The following GABRB1 variants were observed in gnomAD, a reference collection of about 807,000 sequenced individuals.
The protein encoded by GABRB1 is gamma-aminobutyric acid type A receptor subunit beta1.
Under a neutral mutation model 51.6 loss-of-function variants are expected in GABRB1, and 17 were observed. The observed-to-expected ratio is 0.33, with a 90% CI of 0.23 to 0.49. The LOEUF is 0.49. Ranked by LOEUF, GABRB1 falls within the 20% of genes least tolerant of loss-of-function variation. The pLI, the probability that GABRB1 is intolerant of heterozygous loss-of-function variation, is 0.99. For missense variants in GABRB1, 410 were observed against 600.6 expected, an observed-to-expected ratio of 0.68 and a Z score of 3.32; for synonymous variants, 247 against 218.9, an observed-to-expected ratio of 1.13 and a Z score of -1.14.
At chr4:47,291,521 C>G (rs561483773) in intron 4 of GABRB1, among the ~76,000 whole-genome samples, 1 of 152,276 alleles carries the variant, frequency 6.6e-6, no homozygotes, top group African/African-American at 2.4e-5. Flanking sequence ...AAAGTAGATT[C>G]ACCAACAGCT....
At chr4:47,269,592 G>A (rs1351204042) in intron 4 of GABRB1, among the ~76,000 whole-genome samples, 1 of 152,084 alleles carries the variant, frequency 6.6e-6, no homozygotes, top group Non-Finnish European at 1.5e-5. Context: ...ATAGCCAGAT[G>A]CACCTCATTC....
intron 3 of GABRB1, among the ~76,000 whole-genome samples, chr4:47,132,392 TTTTGGTTTGG>T (rs35774226): frequency 0.36 from 42,366 of 118,846 alleles, 7,239 homozygotes; most frequent in Admixed American, 0.53. Context: ...TTTTGGTTTG[TTTTGGTTTGG>T]TTTGGTTTGG....
chr4:47,108,250 T>C (rs1715055784), intron 3 of GABRB1, among the ~76,000 whole-genome samples: 1 of 152,050 alleles, frequency 6.6e-6, no homozygotes, highest in Non-Finnish European at 1.5e-5. Flanking sequence ...TTAGCTTAGA[T>C]CTCAGTAGTC....
At position 47,031,722 on chromosome 4, in the gene GABRB1, G is replaced by T. The variant is rs372535761; in HGVS notation, c.71G>T (p.Cys24Phe). The change falls in exon 1 of 9, where the codon TGT becomes TTT. Residue 24 changes from cysteine to phenylalanine, a missense_variant. By Grantham distance (205) the Cys-to-Phe change is radical (BLOSUM62 -2). Around this residue, in one of 5 missense-constraint regions of GABRB1, gnomAD observed 56 missense variants for 54.8 expected, o/e 1.02. Transcript: ENST00000295454. ...CCTGTGATGATTACCATGGTCTGTT[G>T]TGCACACAGGTGAGCTGCTGTTGTT... ...SFPVMITMVCCAHSTNEPSNM... is the reference protein window; with the variant it reads ...SFPVMITMVCFAHSTNEPSNM... 9.3e-6 allele frequency: 15 copies of T among 1,613,036 alleles called. No individual in the cohort carries two copies. Among genetic ancestry groups the T allele is most frequent in the African/African-American group, 1.3e-5 (1 of 74,826 alleles).
rs1726817474 is a variant in GABRB1, at chr4:47,361,855, T to A, written c.545-41463T>A. On this transcript the variant is annotated intron_variant, in intron 5 of 8. Coordinates refer to ENST00000295454, the MANE Select transcript of GABRB1 (RefSeq NM_000812.4). The stretch of plus-strand genomic sequence containing the variant: ...ATATTGAACTTGAGGTGGCTTTAAG[T>A]CATCAACTGGGGTTGTCAAGTGGGC... Among the ~76,000 whole-genome samples the A allele has an allele frequency of 1.3e-5, 2 of 152,128 alleles. 1 individual carries two copies. Among genetic ancestry groups the A allele is most frequent in the South Asian group, 4.1e-4 (2 of 4,832 alleles).
chr4:47,105,476 G>A (rs1714922492), intron 3 of GABRB1, among the ~76,000 whole-genome samples: 1 of 152,168 alleles, frequency 6.6e-6, no homozygotes, highest in Non-Finnish European at 1.5e-5. Context: ...TCTTGTGGAT[G>A]AGGCTTCCTC....
intron 4 of GABRB1, among the ~76,000 whole-genome samples, chr4:47,260,521 G>A (rs1484819601): frequency 2.6e-5 from 4 of 152,120 alleles, no homozygotes; most frequent in Non-Finnish European, 5.9e-5. Flanking sequence ...GGGCAGGCCT[G>A]GTGGTGACAA....
chr4:47,343,552 C>A (rs572543966), intron 5 of GABRB1, among the ~76,000 whole-genome samples: 1 of 152,172 alleles, frequency 6.6e-6, no homozygotes, highest in East Asian at 1.9e-4. Flanking sequence ...AAATCCCCTG[C>A]AGACTTTCTA....
At chr4:47,075,257 A>G (rs902861442) in intron 3 of GABRB1, among the ~76,000 whole-genome samples, 2 of 152,152 alleles carry the variant, frequency 1.3e-5, no homozygotes, top group African/African-American at 2.4e-5. Flanking sequence ...TGCCATAGGT[A>G]CCAGCTGAAC....
intron 5 of GABRB1, among the ~76,000 whole-genome samples, chr4:47,360,888 A>C (rs1726783717): frequency 6.6e-6 from 1 of 152,120 alleles, no homozygotes; most frequent in Admixed American, 6.6e-5. Context: ...TTTGTTGAAC[A>C]CTTACTATAC....
chr4:47,116,080 T>C (rs932667946), intron 3 of GABRB1, among the ~76,000 whole-genome samples: 14 of 152,216 alleles, frequency 9.2e-5, no homozygotes, highest in African/African-American at 3.4e-4. Context: ...CTTCAAATTT[T>C]GAAAATATGC....
intron 4 of GABRB1, among the ~76,000 whole-genome samples, chr4:47,260,749 A>C (rs1722399378): frequency 6.6e-6 from 1 of 152,176 alleles, no homozygotes; most frequent in African/African-American, 2.4e-5. Flanking sequence ...ACAACCAAAA[A>C]AGAGAATTTT....
intron 1 of GABRB1, among the ~76,000 whole-genome samples, chr4:47,004,357 T>C (rs1441760381): frequency 6.6e-6 from 1 of 152,190 alleles, no homozygotes; most frequent in Non-Finnish European, 1.5e-5. Context: ...TAGGCATTGA[T>C]TCTAAGAAAA....
intron 1 of GABRB1, among the ~76,000 whole-genome samples, chr4:47,010,841 A>G (rs1372733798): frequency 6.6e-6 from 1 of 152,188 alleles, no homozygotes; most frequent in Non-Finnish European, 1.5e-5. Flanking sequence ...TTTATCAAAG[A>G]TGAAATGTGT....
At chr4:47,412,375 T>G (rs1728786259) in intron 8 of GABRB1, among the ~76,000 whole-genome samples, 1 of 152,160 alleles carries the variant, frequency 6.6e-6, no homozygotes, top group African/African-American at 2.4e-5. Context: ...ACACTATGTT[T>G]TATAAAACTC....
At chr4:47,031,435 C>T, upstream of GABRB1, 1 of 571,058 alleles carries the variant, frequency 1.8e-6, no homozygotes, top group South Asian at 2.2e-5. Flanking sequence ...CTCTGACTAC[C>T]CGGAGGACAT....
At chr4:47,039,467 G>C (rs1162974917) in intron 3 of GABRB1, among the ~76,000 whole-genome samples, 1 of 151,326 alleles carries the variant, frequency 6.6e-6, no homozygotes, top group African/African-American at 2.4e-5. Flanking sequence ...ATCATGAAGT[G>C]AAGATTTTTC....
In GABRB1 at chr4:47,426,232, G is replaced by A. The variant is rs1034384807; in HGVS notation, c.*214G>A. On this transcript the variant is annotated 3_prime_UTR_variant, in exon 9 of 9. Transcript: ENST00000295454. ...ATTTTTCCAGTCTACCGTGGTCCAG[G>A]TTATCAGCTCTTTAAGAGCTCTATT... The A allele has an allele frequency of 5.0e-6, 2 of 401,796 alleles. No individual in the cohort carries two copies. The highest frequency in any genetic ancestry group is 3.9e-5 in the East Asian group (1 of 25,890). The allele number at this position is 401,796 out of a possible 1,614,324, so 24.9% of individuals were successfully genotyped here. A position where few individuals can be genotyped will look rare whatever the true frequency, so the allele number is the denominator to read the frequency against.
At chr4:47,284,097 CAAAA>C (rs780643469) in intron 4 of GABRB1, among the ~76,000 whole-genome samples, 22 of 48,914 alleles carry the variant, frequency 4.5e-4, no homozygotes, top group Admixed American at 1.0e-3. Flanking sequence ...GACTCAGTCT[CAAAA>C]AAAAAAAAAA....
Sources: allele counts gnomAD v4.1 joint callset (sites outside exome capture counted in the v4.1 genomes callset), GRCh38; gene constraint gnomAD v4.1.1; regional missense constraint gnomAD v4.1.1; transcripts MANE v1.5; gene names NCBI Gene and HGNC (gene_info 2026-07-23, HGNC 2026-07-21).